Variants in SHLD2 observed in about 807,000 individuals in gnomAD.
The protein encoded by SHLD2 is shieldin complex subunit 2.
Under a neutral mutation model 73.2 loss-of-function variants are expected in SHLD2, and 30 were observed. That is an observed-to-expected ratio of 0.41 (90% CI 0.31 to 0.56). SHLD2 has a LOEUF of 0.56. Ranked by LOEUF, SHLD2 falls within the 20% of genes least tolerant of loss-of-function variation. SHLD2 has a pLI of 0.28. For synonymous variants in SHLD2, 285 were observed against 370.1 expected (o/e 0.77, Z 2.64); for missense variants, 745 against 1,055.9 (o/e 0.71, Z 4.08).
At position 87,134,640 on chromosome 10, in the gene SHLD2, A is replaced by G. The variant is rs370392009; in HGVS notation, c.-5-16710A>G. On this transcript the variant is annotated intron_variant, in intron 2 of 9. Coordinates refer to ENST00000298786, the MANE Select transcript of SHLD2 (RefSeq NM_001330112.2). ...GAGGCATTTGGAACCTCTCCCAGGT[A>G]TAGGGCAACCACCCTTAGAAGGCAG... Among the ~76,000 whole-genome samples the G allele has an allele frequency of 3.3e-5, 5 of 152,322 alleles. No individual in the cohort carries two copies. In the East Asian group the frequency reaches 9.6e-4, roughly 29 times the overall value.
intron 2 of SHLD2, among the ~76,000 whole-genome samples, chr10:87,101,266 C>T (rs539063573): frequency 2.0e-5 from 3 of 152,024 alleles, no homozygotes; most frequent in East Asian, 3.9e-4. Flanking sequence ...GAGTCTATAC[C>T]CTTGTGTATA....
Position 87,100,925 on chromosome 10 carries a change from A to G in SHLD2, c.-6+3936A>G, listed in dbSNP as rs144617771. Among the ~76,000 whole-genome samples, 470 of 152,230 alleles carry G rather than the reference A, an allele frequency of 3.1e-3. 3 individuals are homozygous for G. The highest frequency in any genetic ancestry group is 0.011 in the African/African-American group (446 of 41,534). ...GAAGTCAGCTGGAATTTTGATAGGGATTATGTTGAATCTGTAGATCAATTT... is the reference window on the plus strand; with the variant it reads ...GAAGTCAGCTGGAATTTTGATAGGGGTTATGTTGAATCTGTAGATCAATTT... On this transcript the variant is annotated intron_variant, in intron 2 of 9. Coordinates refer to ENST00000298786, the MANE Select transcript of SHLD2 (RefSeq NM_001330112.2).
In SHLD2 at chr10:87,120,458, A is replaced by G. The variant is rs186030260; in HGVS notation, c.-6+23469A>G. 5.5e-3 allele frequency among the ~76,000 whole-genome samples: 833 copies of G among 151,890 alleles called. 9 individuals carry two copies. The highest frequency in any genetic ancestry group is 0.019 in the African/African-American group (777 of 41,460). On this transcript the variant is annotated intron_variant, in intron 2 of 9. Coordinates refer to ENST00000298786, the MANE Select transcript of SHLD2 (RefSeq NM_001330112.2). ...GAGACAGGGTTTCACCGTGTTAGCTAGGATGGTCTCGATCTCCTGACCTCG... is the reference window on the plus strand; with the variant it reads ...GAGACAGGGTTTCACCGTGTTAGCTGGGATGGTCTCGATCTCCTGACCTCG...
At chr10:87,157,351 G>A (rs1846504100) in intron 3 of SHLD2, among the ~76,000 whole-genome samples, 1 of 152,098 alleles carries the variant, frequency 6.6e-6, no homozygotes, top group Admixed American at 6.6e-5. Context: ...TTATACCTCT[G>A]ACACTGTATG....
At chr10:87,130,956 A>T (rs1564588817) in intron 2 of SHLD2, among the ~76,000 whole-genome samples, 1 of 152,048 alleles carries the variant, frequency 6.6e-6, no homozygotes, top group African/African-American at 2.4e-5. Context: ...GGTCCCAGCT[A>T]CTTGGGAGTT....
At chr10:87,172,084 G>A (rs1417333586) in intron 6 of SHLD2, among the ~76,000 whole-genome samples, 1 of 152,134 alleles carries the variant, frequency 6.6e-6, no homozygotes, top group Non-Finnish European at 1.5e-5. Flanking sequence ...TGATTCTATG[G>A]TGTTTAGGTT....
intron 3 of SHLD2, among the ~76,000 whole-genome samples, chr10:87,155,724 C>T (rs1316393775): frequency 6.6e-6 from 1 of 152,038 alleles, no homozygotes; most frequent in Non-Finnish European, 1.5e-5. Context: ...CTCAACTCTG[C>T]AATCTCTGTA....
At chr10:87,147,526 C>T (rs1845708187) in intron 2 of SHLD2, among the ~76,000 whole-genome samples, 1 of 151,830 alleles carries the variant, frequency 6.6e-6, no homozygotes, top group Admixed American at 6.6e-5. Flanking sequence ...GGTTGCAGAA[C>T]ATTTAGGAGA....
At chr10:87,156,345 G>A (rs1362674278) in intron 3 of SHLD2, among the ~76,000 whole-genome samples, 1 of 152,148 alleles carries the variant, frequency 6.6e-6, no homozygotes, top group Non-Finnish European at 1.5e-5. Context: ...GATTACAGGC[G>A]TGAGCCATCG....
chr10:87,127,987 G>C (rs954995338), intron 2 of SHLD2, among the ~76,000 whole-genome samples: 3 of 152,050 alleles, frequency 2.0e-5, no homozygotes, highest in African/African-American at 4.8e-5. Context: ...TAGTTTCCAG[G>C]GGTCAGGTTT....
chr10:87,190,311 C>T (rs1005593703), intron 9 of SHLD2, among the ~76,000 whole-genome samples, 173 bp from the exon 10 acceptor site: 5 of 152,194 alleles, frequency 3.3e-5, no homozygotes, highest in African/African-American at 9.7e-5. Flanking sequence ...CGGCTGCCTC[C>T]GTCTCCCAGA....
chr10:87,155,206 A>T, intron 3 of SHLD2, among the ~76,000 whole-genome samples: 1 of 152,230 alleles, frequency 6.6e-6, no homozygotes, highest in East Asian at 1.9e-4. Context: ...AAGTGCTGGG[A>T]TTACAGGCGT....
intron 2 of SHLD2, among the ~76,000 whole-genome samples, chr10:87,143,730 C>T (rs1589545573): frequency 6.6e-6 from 1 of 151,748 alleles, no homozygotes; most frequent in Admixed American, 6.6e-5. Flanking sequence ...CTAGGAATAC[C>T]ATATAGTCTA....
chr10:87,095,594 G>A (rs7906971), intron 1 of SHLD2, among the ~76,000 whole-genome samples: 18,266 of 152,284 alleles, frequency 0.12, 1,150 homozygotes, highest in Admixed American at 0.16. Context: ...AGAGAGCGGC[G>A]TGGCACCCGG....
chr10:87,110,058 C>T (rs1233785440), intron 2 of SHLD2, among the ~76,000 whole-genome samples: 1 of 151,956 alleles, frequency 6.6e-6, no homozygotes, highest in African/African-American at 2.4e-5. Flanking sequence ...GAGGCTGACA[C>T]AGTTAAGATC....
intron 7 of SHLD2, among the ~76,000 whole-genome samples, chr10:87,178,235 C>CAAAA (rs71019476): frequency 3.2e-4 from 10 of 31,034 alleles, no homozygotes; most frequent in Non-Finnish European, 4.5e-4. Flanking sequence ...TACTCTGTCT[C>CAAAA]AAAAAAAAAA....
chr10:87,139,236 T>TA (rs980809668), intron 2 of SHLD2, among the ~76,000 whole-genome samples: 3 of 151,908 alleles, frequency 2.0e-5, no homozygotes, highest in Admixed American at 6.6e-5. Context: ...AGCTATAGAC[T>TA]AAAGGCCTTT....
chr10:87,097,135 A>G (rs532807730), intron 2 of SHLD2, 146 bp downstream of exon 2: 2 of 152,192 alleles, frequency 1.3e-5, no homozygotes, highest in Non-Finnish European at 2.9e-5. Context: ...GGATTAAATT[A>G]TTTGTTTATG....
In SHLD2 at chr10:87,175,540, C is replaced by T. The variant is rs1250278674; in HGVS notation, c.1964-349C>T. Among the ~76,000 whole-genome samples, 6 of 151,632 alleles carry T rather than the reference C, an allele frequency of 4.0e-5. No homozygotes were observed. The East Asian group carries it at 9.7e-4, about 24-fold the overall frequency. On this transcript the variant is annotated intron_variant, in intron 6 of 9. Coordinates refer to ENST00000298786, the MANE Select transcript of SHLD2 (RefSeq NM_001330112.2). ...CTCTACTAAAAATACAAAAATTAGC[C>T]GGGAGTGGTGGCACGCACCTGTAAT...
Sources: gnomAD v4.1 joint callset for allele counts (sites outside exome capture counted in the v4.1 genomes callset) on GRCh38, gnomAD v4.1.1 for gene constraint, MANE v1.5 for transcripts, NCBI Gene and HGNC (gene_info 2026-07-23, HGNC 2026-07-21) for gene names.